The following FGF12 variants were observed in gnomAD, a reference collection of about 807,000 sequenced individuals.
The protein encoded by FGF12 is fibroblast growth factor 12B.
FGF12 carries 14 observed loss-of-function variants against 23.6 expected under a neutral mutation model. That is an observed-to-expected ratio of 0.59 (90% CI 0.39 to 0.93). The LOEUF is 0.93. Ranked by LOEUF, FGF12 falls within the 40% of genes least tolerant of loss-of-function variation. FGF12 has a pLI of 0.00. For synonymous variants in FGF12, 62 were observed against 77.3 expected (o/e 0.80, Z 1.04); for missense variants, 175 against 217.8 (o/e 0.80, Z 1.24).
intron 2 of FGF12, chr3:192,673,362 GA>G (rs1717203312): frequency 6.6e-6 from 1 of 150,990 alleles, no homozygotes; most frequent in Admixed American, 6.6e-5. Flanking sequence ...ACTACATCCA[GA>G]AACCTTTTCC....
chr3:192,686,995 A>AT (rs927044630), intron 2 of FGF12, among the ~76,000 whole-genome samples: 1 of 150,506 alleles, frequency 6.6e-6, no homozygotes, highest in African/African-American at 2.4e-5. Context: ...CAACTGGATA[A>AT]TTTTTTTGTA....
At chr3:192,235,602 G>A (rs923409044) in intron 4 of FGF12, among the ~76,000 whole-genome samples, 38 of 152,212 alleles carry the variant, frequency 2.5e-4, no homozygotes, top group African/African-American at 7.7e-4. Context: ...GATTACAGGC[G>A]TGAGCCACTG....
At chr3:192,639,306 C>T (rs943733984) in intron 2 of FGF12, among the ~76,000 whole-genome samples, 4 of 152,108 alleles carry the variant, frequency 2.6e-5, no homozygotes, top group African/African-American at 7.2e-5. Context: ...AGATAGCAAA[C>T]GTTGACAAGG....
Position 192,408,349 on chromosome 3 carries a change from G to C in FGF12, c.14-47811C>G. ...TCGCGGGGAGGCAGTGCTAAAATTT[G>C]AGGAGGCTGCAGTATCGAAAACCCG... On this transcript the variant is annotated intron_variant, in intron 2 of 5. Transcript: ENST00000445105. The surrounding 1 kb of genome is among the most constrained non-coding windows in gnomAD (Gnocchi z 7.3). The C allele has an allele frequency of 7.0e-7, 1 of 1,430,280 alleles. No individual in the cohort carries two copies. The highest frequency in any genetic ancestry group is 1.5e-5 in the South Asian group (1 of 67,422). 88.6% of individuals were successfully genotyped at this position (1,430,280 alleles called of 1,614,324 possible). A position where few individuals can be genotyped will look rare whatever the true frequency, so the allele number is the denominator to read the frequency against.
chr3:192,167,731 G>GTATATA lies in FGF12; in HGVS notation c.427+2721_427+2726dup, dbSNP rs11394352. On this transcript the variant is annotated intron_variant, in intron 5 of 5. Coordinates refer to ENST00000445105, the MANE Select transcript of FGF12 (RefSeq NM_004113.6). ...CTAAAATTAGGAGGGTAGGTTATAG[G>GTATATA]TATATATATATATATATATATATAT... 6.3e-3 allele frequency among the ~76,000 whole-genome samples: 158 copies of GTATATA among 25,036 alleles called. 4 individuals are homozygous for GTATATA. The highest frequency in any genetic ancestry group is 7.9e-3 in the Non-Finnish European group (126 of 16,050). 16.4% of individuals were successfully genotyped at this position (25,036 alleles called of 152,430 possible). A position where few individuals can be genotyped will look rare whatever the true frequency, so the allele number is the denominator to read the frequency against.
chr3:192,254,499 A>C (rs1712251770), intron 4 of FGF12, among the ~76,000 whole-genome samples: 2 of 152,054 alleles, frequency 1.3e-5, no homozygotes, highest in African/African-American at 4.8e-5. Flanking sequence ...CATTCTCTGC[A>C]ATATTGACAC....
At chr3:192,317,914 A>G (rs1716315298) in intron 4 of FGF12, among the ~76,000 whole-genome samples, 2 of 152,150 alleles carry the variant, frequency 1.3e-5, no homozygotes, top group South Asian at 4.1e-4. Flanking sequence ...TGCTTGGGGA[A>G]AAGTAAGAGA....
chr3:192,207,832 C>G (rs1332093722), intron 4 of FGF12, among the ~76,000 whole-genome samples: 1 of 152,188 alleles, frequency 6.6e-6, no homozygotes, highest in Non-Finnish European at 1.5e-5. Flanking sequence ...CTTACAGCAA[C>G]AGCCTCCTAC....
intron 4 of FGF12, among the ~76,000 whole-genome samples, chr3:192,274,535 G>A (rs961665899): frequency 5.3e-5 from 8 of 152,018 alleles, no homozygotes; most frequent in African/African-American, 1.4e-4. Flanking sequence ...AACCAGGGTC[G>A]TCAGAGTTTA....
In FGF12 at chr3:192,335,382, A is replaced by G; in HGVS notation, c.207T>C (p.Gly69=). ...VKASLYVAMN[G]EGYLYSSDVF... Reference sequence around the variant, plus strand: ...TTACTGAACTGTAGAGATAGCCTTCACCATTCATGGCCACATAGAGGCTAG... The same window carrying G: ...TTACTGAACTGTAGAGATAGCCTTCGCCATTCATGGCCACATAGAGGCTAG... Residue 69 remains glycine, a synonymous_variant, in exon 4 of 6, where the codon GGT becomes GGC. Coordinates refer to ENST00000445105, the MANE Select transcript of FGF12 (RefSeq NM_004113.6). The G allele has an allele frequency of 1.2e-6, 2 of 1,612,324 alleles. No individual in the cohort carries two copies. Among genetic ancestry groups the G allele is most frequent in the South Asian group, 1.1e-5 (1 of 91,060 alleles).
intron 2 of FGF12, among the ~76,000 whole-genome samples, chr3:192,650,845 C>T (rs905940848): frequency 2.0e-5 from 3 of 152,146 alleles, no homozygotes; most frequent in African/African-American, 7.2e-5. Flanking sequence ...TCTGTCCTAT[C>T]ATCCGACAAG....
chr3:192,217,397 G>A (rs2108568893), intron 4 of FGF12, among the ~76,000 whole-genome samples: 1 of 152,254 alleles, frequency 6.6e-6, no homozygotes, highest in South Asian at 2.1e-4. Flanking sequence ...GTACCAGCCG[G>A]TAACCAAATT....
chr3:192,279,556 C>T (rs2108637751), intron 4 of FGF12, among the ~76,000 whole-genome samples: 1 of 152,264 alleles, frequency 6.6e-6, no homozygotes, highest in South Asian at 2.1e-4. Context: ...TCAGCAATTA[C>T]ACCTGTCAGT....
At chr3:192,271,794 A>G (rs1018081199) in intron 4 of FGF12, among the ~76,000 whole-genome samples, 2 of 152,228 alleles carry the variant, frequency 1.3e-5, no homozygotes, top group African/African-American at 2.4e-5. Flanking sequence ...TGAAAGACAT[A>G]CAATATGTCC....
At chr3:192,347,775 A>AT (rs1418402976) in intron 3 of FGF12, among the ~76,000 whole-genome samples, 3 of 152,052 alleles carry the variant, frequency 2.0e-5, no homozygotes, top group Non-Finnish European at 4.4e-5. Context: ...CAAGTCCTTC[A>AT]TTTTTTCTGA....
chr3:192,152,256 A>G (rs1453331468), intron 5 of FGF12, among the ~76,000 whole-genome samples: 296 of 88,800 alleles, frequency 3.3e-3, no homozygotes, highest in Non-Finnish European at 4.6e-3. Flanking sequence ...GATCCTTTCA[A>G]AAAACCAGCT....
intron 4 of FGF12, among the ~76,000 whole-genome samples, chr3:192,316,104 G>A (rs1365130903): frequency 6.6e-6 from 1 of 152,066 alleles, no homozygotes; most frequent in Admixed American, 6.6e-5. Flanking sequence ...TAGCAGAAGG[G>A]ATCTCCCTCT....
intron 2 of FGF12, among the ~76,000 whole-genome samples, chr3:192,446,370 G>A (rs1341445162): frequency 1.3e-5 from 2 of 152,172 alleles, no homozygotes; most frequent in South Asian, 2.1e-4. Flanking sequence ...AATAGATGCA[G>A]GTTAAACACA....
intron 2 of FGF12, among the ~76,000 whole-genome samples, chr3:192,707,490 G>A (rs1256759767): frequency 6.6e-6 from 1 of 152,166 alleles, no homozygotes; most frequent in Non-Finnish European, 1.5e-5. Context: ...GCTCACGCCT[G>A]TAATCCCAGC....
Sources: allele counts gnomAD v4.1 joint callset (sites outside exome capture counted in the v4.1 genomes callset), GRCh38; gene constraint gnomAD v4.1.1; non-coding constraint Gnocchi (gnomAD v3.1); transcripts MANE v1.5; gene names NCBI Gene and HGNC (gene_info 2026-07-23, HGNC 2026-07-21).